The following NUP210 variants were observed in gnomAD, a reference collection of about 807,000 sequenced individuals.
NUP210 encodes the protein nucleoporin 210.
In NUP210, 151 loss-of-function variants were observed where a neutral mutation model predicts 196.0. The observed-to-expected ratio is 0.77, with a 90% CI of 0.67 to 0.88. The LOEUF is 0.88. NUP210 is among the 40% of genes least tolerant of loss of function. NUP210 has a pLI of 0.00. For synonymous variants in NUP210, 1,070 were observed against 1,052.7 expected (o/e 1.02, Z -0.32); for missense variants, 2,314 against 2,493.7 (o/e 0.93, Z 1.53).
intron 18 of NUP210, among the ~76,000 whole-genome samples, chr3:13,352,786 G>A (rs897270536): frequency 6.6e-6 from 1 of 152,204 alleles, no homozygotes; most frequent in African/African-American, 2.4e-5. Context: ...CCAATGCACG[G>A]ATGGAAGAGC....
intron 4 of NUP210, among the ~76,000 whole-genome samples, chr3:13,389,562 T>C (rs1211809603): frequency 6.6e-6 from 1 of 152,122 alleles, no homozygotes; most frequent in Non-Finnish European, 1.5e-5. Flanking sequence ...GGTCATTGTT[T>C]TACAAAACAC....
chr3:13,418,970 AAAAG>A (rs1251807819), intron 1 of NUP210, among the ~76,000 whole-genome samples: 1,731 of 130,232 alleles, frequency 0.013, 32 homozygotes, highest in Middle Eastern at 0.023. Flanking sequence ...AAAAAAAAAA[AAAAG>A]AAAGAAAGAA....
chr3:13,330,418 AT>A, intron 30 of NUP210, 41 bp downstream of exon 30: 1 of 1,587,656 alleles, frequency 6.3e-7, no homozygotes, highest in Non-Finnish European at 8.6e-7. Flanking sequence ...CCTCAGTGCT[AT>A]TGCTTTCATT....
In NUP210 at chr3:13,322,321, T is replaced by A; in HGVS notation, c.4787A>T (p.Gln1596Leu). 6.2e-7 allele frequency: 1 copy of A among 1,614,178 alleles called. No individual in the cohort carries two copies. The highest frequency in any genetic ancestry group is 1.3e-5 in the African/African-American group (1 of 75,040). Residue 1596 changes from glutamine to leucine, a missense_variant, in exon 35 of 40, where the codon CAG (glutamine) becomes CTG (leucine). By Grantham distance (113) the Gln-to-Leu change is moderately radical. Transcript: ENST00000254508. ...GTGCAAGGCCTGGATGACTTCCCTCTGGGTGGGGGTGCACTCGCCTAGAGA... is the reference window on the plus strand; with the variant it reads ...GTGCAAGGCCTGGATGACTTCCCTCAGGGTGGGGGTGCACTCGCCTAGAGA... ...SNLRGECTPTQREVIQALHPE... is the reference protein window; with the variant it reads ...SNLRGECTPTLREVIQALHPE...
At chr3:13,400,588 AAGGTGACGAG>A (rs1049060568) in intron 1 of NUP210, among the ~76,000 whole-genome samples, 14 of 152,350 alleles carry the variant, frequency 9.2e-5, no homozygotes, top group African/African-American at 3.1e-4. Context: ...CCCAGGTGAG[AAGGTGACGAG>A]AGGCAGAGGA....
intron 1 of NUP210, among the ~76,000 whole-genome samples, chr3:13,401,894 A>T (rs993114723): frequency 4.0e-5 from 6 of 149,000 alleles, no homozygotes; most frequent in Non-Finnish European, 9.0e-5. Context: ...AACTGCTTTA[A>T]AAAAAAAAAA....
chr3:13,375,776 GC>G, intron 10 of NUP210, 135 bp from the exon 11 acceptor site: 1 of 889,808 alleles, frequency 1.1e-6, no homozygotes, highest in Non-Finnish European at 1.7e-6. Context: ...AGAGGAAGGT[GC>G]CAGACACCCT....
chr3:13,360,542 C>A, intron 14 of NUP210, 51 bp from the exon 15 acceptor site: 1 of 1,459,440 alleles, frequency 6.9e-7, no homozygotes, highest in South Asian at 1.3e-5. Context: ...GCAGCACGGG[C>A]AGGAGCCGGG....
chr3:13,382,450 C>T lies in NUP210; in HGVS notation c.818-2729G>A, dbSNP rs76195633. Among the ~76,000 whole-genome samples the T allele has an allele frequency of 3.4e-3, 514 of 152,274 alleles. 5 individuals are homozygous for T. Among genetic ancestry groups the T allele is most frequent in the African/African-American group, 0.012 (497 of 41,556 alleles). On this transcript the variant is annotated intron_variant, in intron 6 of 39. Coordinates refer to ENST00000254508, the MANE Select transcript of NUP210 (RefSeq NM_024923.4). ...CTGTGAGCTCCAGGAGGGCAGGAACCGGGCAGTCCTGCTGACCACTGTGCA... is the reference window on the plus strand; with the variant it reads ...CTGTGAGCTCCAGGAGGGCAGGAACTGGGCAGTCCTGCTGACCACTGTGCA...
At chr3:13,389,470 G>T (rs1699410292) in intron 4 of NUP210, among the ~76,000 whole-genome samples, 1 of 152,182 alleles carries the variant, frequency 6.6e-6, no homozygotes, top group Non-Finnish European at 1.5e-5. Flanking sequence ...AGGCTCAGGT[G>T]GGTAACGTTC....
At chr3:13,418,712 G>C (rs941292132) in intron 1 of NUP210, among the ~76,000 whole-genome samples, 1 of 151,712 alleles carries the variant, frequency 6.6e-6, no homozygotes, top group Non-Finnish European at 1.5e-5. Flanking sequence ...CGCTTGAACC[G>C]GGGAGGCGGA....
chr3:13,374,192 A>G (rs1354058891), intron 11 of NUP210, among the ~76,000 whole-genome samples: 1 of 151,946 alleles, frequency 6.6e-6, no homozygotes, highest in Non-Finnish European at 1.5e-5. Context: ...CACAGTGCAC[A>G]CTCATACACC....
At chr3:13,378,816 G>A in intron 8 of NUP210, 96 bp downstream of exon 8, 1 of 928,802 alleles carries the variant, frequency 1.1e-6, no homozygotes, top group Non-Finnish European at 1.8e-6. Flanking sequence ...CCAGAGGGAA[G>A]CATTTTCTGT....
chr3:13,354,047 G>A lies in NUP210; in HGVS notation c.2389C>T (p.Arg797Cys), dbSNP rs750081362. ...LDLAAYDQEG[R>C]RFDNFSSLSI... ...AGAGAGCTGAAGTTGTCGAACCGGC[G>A]GCCCTCCTGGTCGTAAGCAGCCAGG... Residue 797 changes from arginine (R) to cysteine (C), a missense_variant, in exon 17 of 40, where the codon CGC (arginine) becomes TGC (cysteine). Transcript: ENST00000254508. 4.4e-6 allele frequency: 7 copies of A among 1,605,728 alleles called. No individual in the cohort carries two copies. The highest frequency in any genetic ancestry group is 5.1e-6 in the Non-Finnish European group (6 of 1,176,506).
intron 1 of NUP210, among the ~76,000 whole-genome samples, chr3:13,401,633 G>A (rs898855703): frequency 1.1e-4 from 17 of 152,110 alleles, no homozygotes; most frequent in Non-Finnish European, 2.2e-4. Context: ...CTATGAACCC[G>A]GCCCATACCC....
rs752727265 is a variant in NUP210 at position 13,371,999 on chromosome 3, C to T, written c.1621G>A (p.Ala541Thr). 14 of 1,593,542 alleles carry T rather than the reference C, an allele frequency of 8.8e-6. No homozygotes were observed. Among genetic ancestry groups the T allele is most frequent in the Non-Finnish European group, 1.2e-5 (14 of 1,169,676 alleles). The change falls in exon 13 of 40, where the codon GCC (alanine) becomes ACC (threonine). Residue 541 changes from alanine to threonine, a missense_variant. Coordinates refer to ENST00000254508, the MANE Select transcript of NUP210 (RefSeq NM_024923.4). ...YVIEPHSMEF[A>T]PCQVEARVGQ... Reference sequence around the variant, plus strand: ...ACACGTGCCTCCACCTGGCACGGGGCAAACTCCATGCTGTGGGGCTCGATC... The same window carrying T: ...ACACGTGCCTCCACCTGGCACGGGGTAAACTCCATGCTGTGGGGCTCGATC...
At position 13,343,273 on chromosome 3, in the gene NUP210, T is replaced by C. The variant is rs748125679; in HGVS notation, c.2866A>G (p.Ile956Val). ...ACGAGGCACAAGTCATGGATCATGA[T>C]GGTGGATGAGCCCGGGAGCAAAGGG... ...VHPLLPGSST[I>V]MIHDLCLVFP... Residue 956 changes from isoleucine to valine, a missense_variant, in exon 21 of 40, where the codon ATC becomes GTC. By Grantham distance (29) the Ile-to-Val change is conservative. Transcript: ENST00000254508. 33 of 1,391,542 alleles carry C rather than the reference T, an allele frequency of 2.4e-5. No homozygotes were observed. Among genetic ancestry groups the C allele is most frequent in the Middle Eastern group, 2.0e-4 (1 of 4,916 alleles). The allele number at this position is 1,391,542 out of a possible 1,614,324, so 86.2% of individuals were successfully genotyped here.
At position 13,399,195 on chromosome 3, in the gene NUP210, G is replaced by C. The variant is rs146654142; in HGVS notation, c.304+530C>G. ...GCAGGAGAATCACTTGAACCCAGGA[G>C]GCGGAGGTTGCAGTGAGCCAAGATC... On this transcript the variant is annotated intron_variant, in intron 2 of 39. Coordinates refer to ENST00000254508, the MANE Select transcript of NUP210 (RefSeq NM_024923.4). Among the ~76,000 whole-genome samples, 468 of 151,176 alleles carry C rather than the reference G, an allele frequency of 3.1e-3. 3 individuals carry two copies. Among genetic ancestry groups the C allele is most frequent in the African/African-American group, 0.011 (457 of 41,060 alleles).
chr3:13,360,040 C>G (rs1698316195), intron 15 of NUP210, among the ~76,000 whole-genome samples: 1 of 152,206 alleles, frequency 6.6e-6, no homozygotes, highest in Non-Finnish European at 1.5e-5. Context: ...ACCCAACTGG[C>G]CTACTCTATG....
Sources: allele counts gnomAD v4.1 joint callset (sites outside exome capture counted in the v4.1 genomes callset), GRCh38; gene constraint gnomAD v4.1.1; transcripts MANE v1.5; gene names NCBI Gene and HGNC (gene_info 2026-07-23, HGNC 2026-07-21).